Variants in ATP10A observed in about 807,000 individuals in gnomAD.
ATP10A encodes phospholipid-transporting ATPase VA.
Under a neutral mutation model 147.8 loss-of-function variants are expected in ATP10A, and 111 were observed. That is an observed-to-expected ratio of 0.75 (90% CI 0.64 to 0.88). The LOEUF (loss-of-function observed/expected upper bound fraction) is 0.88. ATP10A is among the 40% of genes least tolerant of loss of function. The probability of loss-of-function intolerance (pLI) is 0.00; values close to 1 mark genes in which losing one functional copy is unlikely to be tolerated. For synonymous variants in ATP10A, 875 were observed against 841.6 expected, an observed-to-expected ratio of 1.04 and a Z score of -0.69; for missense variants, 1,927 against 1,959.0, an observed-to-expected ratio of 0.98 and a Z score of 0.31.
intron 2 of ATP10A, among the ~76,000 whole-genome samples, chr15:25,759,138 C>T (rs967356100): frequency 8.5e-5 from 13 of 152,200 alleles, no homozygotes; most frequent in African/African-American, 2.4e-4. Flanking sequence ...TCTGTAAGGG[C>T]GCACCCTTCT....
intron 1 of ATP10A, among the ~76,000 whole-genome samples, chr15:25,853,655 T>C (rs1893385638): frequency 6.6e-6 from 1 of 151,992 alleles, no homozygotes; most frequent in South Asian, 2.1e-4. Context: ...ACCCCTTACT[T>C]GCAGGAAGGA....
intron 1 of ATP10A, among the ~76,000 whole-genome samples, chr15:25,821,991 A>G (rs1303098983): frequency 6.6e-6 from 1 of 152,156 alleles, no homozygotes; most frequent in Non-Finnish European, 1.5e-5. Context: ...CCCATACCAA[A>G]ATTCACAGAT....
chr15:25,736,176 G>T, intron 2 of ATP10A, 35 bp from the exon 3 acceptor site: 9 of 1,582,276 alleles, frequency 5.7e-6, no homozygotes, highest in Non-Finnish European at 7.8e-6. Context: ...AGAGAAATCC[G>T]GGCTCAGGCT....
chr15:25,846,302 A>G (rs1893022890), intron 1 of ATP10A, among the ~76,000 whole-genome samples: 1 of 152,204 alleles, frequency 6.6e-6, no homozygotes, highest in African/African-American at 2.4e-5. Flanking sequence ...TTAAATGGCT[A>G]ATTTTATGTT....
At position 25,700,166 on chromosome 15, in the gene ATP10A, T is replaced by C. The variant is rs1467576861; in HGVS notation, c.2760+1750A>G. On this transcript the variant is annotated intron_variant, in intron 13 of 20. Coordinates refer to ENST00000555815, the MANE Select transcript of ATP10A (RefSeq NM_024490.4). ...TCATTAGACACTAGTGAAATGCAAA[T>C]TAAAACCATAACAAGATACCACTAC... is the stretch of plus-strand genomic sequence containing the variant. Among the ~76,000 whole-genome samples, 3 of 152,128 alleles carry C rather than the reference T, an allele frequency of 2.0e-5. No individual in the cohort carries two copies. In the East Asian group the frequency reaches 5.8e-4, roughly 29 times the overall value.
chr15:25,789,565 A>AGAGT (rs373773834), intron 1 of ATP10A, among the ~76,000 whole-genome samples: 4 of 141,332 alleles, frequency 2.8e-5, no homozygotes, highest in African/African-American at 1.0e-4. Flanking sequence ...CCAATAAAGA[A>AGAGT]GTGTGTGTGT....
At chr15:25,829,402 A>T (rs1892257600) in intron 1 of ATP10A, among the ~76,000 whole-genome samples, 1 of 152,198 alleles carries the variant, frequency 6.6e-6, no homozygotes, top group Non-Finnish European at 1.5e-5. Flanking sequence ...CCCAGGAAAA[A>T]TGTCTTAAAT....
Position 25,739,815 on chromosome 15 carries a change from T to C in ATP10A, c.655-3674A>G, listed in dbSNP as rs181561767. Among the ~76,000 whole-genome samples, 17 of 152,356 alleles carry C rather than the reference T, an allele frequency of 1.1e-4. No homozygotes were observed. The East Asian group carries it at 3.3e-3, about 29-fold the overall frequency. On this transcript the variant is annotated intron_variant, in intron 2 of 20. Coordinates refer to ENST00000555815, the MANE Select transcript of ATP10A (RefSeq NM_024490.4). Reference sequence around the variant, plus strand: ...TCTTACAGATATTTCTGAAACTTCTTTGGGCAAAGTGATTTGACCTGACTA... The same window carrying C: ...TCTTACAGATATTTCTGAAACTTCTCTGGGCAAAGTGATTTGACCTGACTA...
chr15:25,766,195 C>T (rs375939487), intron 2 of ATP10A, among the ~76,000 whole-genome samples: 8 of 152,274 alleles, frequency 5.3e-5, no homozygotes, highest in African/African-American at 1.9e-4. Flanking sequence ...CAAGAAAGAC[C>T]AGACTCCATG....
At chr15:25,683,634 G>C (rs925206313) in intron 16 of ATP10A, 148 bp from the exon 17 acceptor site, 1 of 743,138 alleles carries the variant, frequency 1.3e-6, no homozygotes, top group Non-Finnish European at 2.2e-6. Flanking sequence ...CCATGACCTT[G>C]AGCCCTGCTG....
intron 1 of ATP10A, chr15:25,862,144 C>A: frequency 2.5e-6 from 1 of 395,584 alleles, no homozygotes; most frequent in South Asian, 1.8e-5. Context: ...GGTACCTGGG[C>A]CGTGCCAGAC....
chr15:25,687,651 T>C, intron 16 of ATP10A, 52 bp downstream of exon 16: 1 of 1,331,776 alleles, frequency 7.5e-7, no homozygotes. Flanking sequence ...GCGATGGTCC[T>C]AAGAACCGAA....
intron 1 of ATP10A, among the ~76,000 whole-genome samples, chr15:25,833,172 G>A (rs116278205): frequency 1.3e-3 from 203 of 151,926 alleles, no homozygotes; most frequent in African/African-American, 4.6e-3. Flanking sequence ...TAGTAAAGAC[G>A]GGTTTTCACC....
intron 1 of ATP10A, among the ~76,000 whole-genome samples, chr15:25,807,571 G>A (rs991526900): frequency 1.3e-5 from 2 of 152,226 alleles, no homozygotes; most frequent in African/African-American, 4.8e-5. Context: ...GGGAGGCCAA[G>A]GCGGGCAGAT....
chr15:25,826,620 C>A (rs1892125993), intron 1 of ATP10A, among the ~76,000 whole-genome samples: 1 of 152,130 alleles, frequency 6.6e-6, no homozygotes, highest in South Asian at 2.1e-4. Context: ...CATGGTAAAA[C>A]CCCATCTCTG....
intron 1 of ATP10A, among the ~76,000 whole-genome samples, chr15:25,807,469 A>G (rs11636282): frequency 0.54 from 81,941 of 152,176 alleles, 23,382 homozygotes; most frequent in East Asian, 0.8. Context: ...TGAAATAACA[A>G]TTTTAAATGA....
rs1189337054 is a variant in ATP10A at position 25,686,347 on chromosome 15, G to A, written c.3291+1356C>T. Among the ~76,000 whole-genome samples, 9 of 107,106 alleles carry A rather than the reference G, an allele frequency of 8.4e-5. 3 individuals are homozygous for A. Among genetic ancestry groups the A allele is most frequent in the African/African-American group, 3.2e-4 (5 of 15,410 alleles). 70.3% of individuals were successfully genotyped at this position (107,106 alleles called of 152,430 possible). ...AAAAAAAAAAAAAAATTAGATGTGC[G>A]TGGTGACACGCACCTGTAGTCCCAG... On this transcript the variant is annotated intron_variant, in intron 16 of 20. Transcript: ENST00000555815.
At chr15:25,737,923 T>A (rs1176036701) in intron 2 of ATP10A, among the ~76,000 whole-genome samples, 1 of 152,174 alleles carries the variant, frequency 6.6e-6, no homozygotes, top group African/African-American at 2.4e-5. Flanking sequence ...ACCATCCTGC[T>A]GACCCCTTAC....
chr15:25,839,031 A>G (rs890621905), intron 1 of ATP10A, among the ~76,000 whole-genome samples: 1 of 152,196 alleles, frequency 6.6e-6, no homozygotes, highest in Non-Finnish European at 1.5e-5. Context: ...TCCATTTCTC[A>G]TAACTGTGTT....
Sources: allele counts gnomAD v4.1 joint callset (sites outside exome capture counted in the v4.1 genomes callset), GRCh38; gene constraint gnomAD v4.1.1; transcripts MANE v1.5; gene names NCBI Gene and HGNC (gene_info 2026-07-23, HGNC 2026-07-21).